DDOST: variants seen among roughly 807,000 people sequenced by gnomAD.
DDOST encodes the protein dolichyl-diphosphooligosaccharide--protein glycosyltransferase 48 kDa subunit.
A neutral mutation model predicts 47.6 loss-of-function variants in DDOST; 25 were observed. That is an observed-to-expected ratio of 0.53 (90% confidence interval 0.38 to 0.73). The LOEUF is 0.73. Among genes scored for constraint, DDOST ranks in the 30% least tolerant of loss-of-function variants. The pLI is 0.00. For synonymous variants in DDOST, 275 were observed against 236.0 expected (o/e 1.17, Z -1.51); for missense variants, 526 against 573.9 (o/e 0.92, Z 0.85).
chr1:20,656,615 C>T (rs1335076657), intron 2 of DDOST, among the ~76,000 whole-genome samples: 1 of 152,208 alleles, frequency 6.6e-6, no homozygotes, highest in Non-Finnish European at 1.5e-5. Flanking sequence ...TCTAAATGGT[C>T]TGAGGAAGAG....
chr1:20,660,590 C>T, intron 2 of DDOST: 1 of 235,522 alleles, frequency 4.2e-6, no homozygotes, highest in Non-Finnish European at 8.3e-6. Context: ...AGCTTTCCAT[C>T]TTTTTATCAG....
At chr1:20,660,671 T>C (rs1412634890) in intron 2 of DDOST, 3 of 482,858 alleles carry the variant, frequency 6.2e-6, no homozygotes, top group African/African-American at 5.8e-5. Context: ...GCAGCAACAC[T>C]TGACTCCACA....
intron 5 of DDOST, 135 bp from the exon 6 acceptor site, chr1:20,654,842 T>C (rs897463534): frequency 1.2e-5 from 8 of 650,582 alleles, no homozygotes; most frequent in East Asian, 5.5e-5. Context: ...TGTCTTGATA[T>C]AACAATGGAG....
At chr1:20,661,017 A>T in intron 1 of DDOST, 26 bp from the exon 2 acceptor site, 5 of 1,570,182 alleles carry the variant, frequency 3.2e-6, no homozygotes, top group Non-Finnish European at 4.4e-6. Context: ...CAGGTAGTTG[A>T]GGAAGACGGG....
chr1:20,655,735 C>G lies in DDOST; in HGVS notation c.397G>C (p.Asp133His). 1.2e-6 allele frequency: 2 copies of G among 1,614,184 alleles called. No individual in the cohort carries two copies. The highest frequency in any genetic ancestry group is 1.1e-5 in the South Asian group (1 of 91,086). ...TCAATGACAGCCGTTTTCTCCTCGT[C>G]AAACTCAATCCCGCACTCACTGCCC... Reference protein sequence around the residue: ...ELGSECGIEFDEEKTAVIDHH... With the variant: ...ELGSECGIEFHEEKTAVIDHH... Residue 133 changes from aspartate (D) to histidine (H), a missense_variant, in exon 4 of 11, where the codon GAC becomes CAC. Physicochemically the swap from Asp to His is moderately conservative, Grantham distance 81. Transcript: ENST00000602624.
intron 9 of DDOST, 36 bp downstream of exon 9, chr1:20,652,815 T>TC: frequency 6.7e-7 from 1 of 1,492,814 alleles, no homozygotes; most frequent in Non-Finnish European, 8.9e-7. Context: ...CCTGGGGCCG[T>TC]TTCTGGCAGC....
At chr1:20,658,865 T>G in intron 2 of DDOST, among the ~76,000 whole-genome samples, 1 of 150,944 alleles carries the variant, frequency 6.6e-6, no homozygotes, top group East Asian at 1.9e-4. Context: ...TCTTTTTTTT[T>G]TTTTTTTTGA....
intron 8 of DDOST, 122 bp from the exon 9 acceptor site, chr1:20,653,093 G>A: frequency 7.9e-7 from 1 of 1,261,122 alleles, no homozygotes. Context: ...GAGTTCAGAA[G>A]ACCTGCAGAT....
intron 2 of DDOST, 47 bp downstream of exon 2, chr1:20,660,834 G>T: frequency 8.8e-7 from 1 of 1,137,436 alleles, no homozygotes; most frequent in Non-Finnish European, 1.3e-6. Flanking sequence ...AATCCATCAA[G>T]TCCCGGGTCT....
At chr1:20,660,846 G>T in intron 2 of DDOST, 35 bp downstream of exon 2, 1 of 1,324,360 alleles carries the variant, frequency 7.6e-7, no homozygotes, top group South Asian at 1.2e-5. Flanking sequence ...CCCGGGTCTC[G>T]AATTCCAGTG....
chr1:20,654,518 G>T, intron 6 of DDOST, 96 bp downstream of exon 6: 2 of 1,381,838 alleles, frequency 1.4e-6, no homozygotes, highest in Admixed American at 2.0e-5. Flanking sequence ...TTCTGCCCAT[G>T]CCCCACCCCA....
chr1:20,651,801 T>TATTTATTTATTTATTTA lies in DDOST; in HGVS notation c.*577_*578insTAAATAAATAAATAAAT, dbSNP rs1553147201. ...GTTTGAGGGCAACATCTCGCTTTATTTTTATTTATTTATTTATTTATTTAT... is the reference window on the plus strand; with the variant it reads ...GTTTGAGGGCAACATCTCGCTTTATTATTTATTTATTTATTTATTTATTTATTTATTTATTTATTTAT... On this transcript the variant is annotated 3_prime_UTR_variant, in exon 11 of 11. Coordinates refer to ENST00000602624, the MANE Select transcript of DDOST (RefSeq NM_005216.5). 6.8e-6 allele frequency: 1 copy of TATTTATTTATTTATTTA among 147,120 alleles called. No individual in the cohort carries two copies. Among genetic ancestry groups the TATTTATTTATTTATTTA allele is most frequent in the Non-Finnish European group, 1.5e-5 (1 of 67,138 alleles). The allele number at this position is 147,120 out of a possible 1,614,324, so 9.1% of individuals were successfully genotyped here.
rs622525 is a variant in DDOST at position 20,653,325 on chromosome 1, A to T, written c.942+302T>A. 0.85 allele frequency among the ~76,000 whole-genome samples: 129,701 copies of T among 152,226 alleles called. 55,432 individuals carry two copies. Among genetic ancestry groups the T allele is most frequent in the Middle Eastern group, 0.89 (263 of 294 alleles). ...CGCTTTCTCTTGCCTAACAAATTCAACCTAATGACCTATTTCTCTTATTAA... is the reference window on the plus strand; with the variant it reads ...CGCTTTCTCTTGCCTAACAAATTCATCCTAATGACCTATTTCTCTTATTAA... On this transcript the variant is annotated intron_variant, in intron 8 of 10. Transcript: ENST00000602624.
At chr1:20,657,213 A>C (rs1363842849) in intron 2 of DDOST, among the ~76,000 whole-genome samples, 2 of 152,224 alleles carry the variant, frequency 1.3e-5, no homozygotes, top group Non-Finnish European at 2.9e-5. Flanking sequence ...GCTGGAGAGA[A>C]AGGAGTGAGC....
rs2053365772 is a variant in DDOST, at chr1:20,655,787, G to A, written c.353-8C>T. On this transcript the variant is annotated splice_polypyrimidine_tract_variant and splice_region_variant and intron_variant, in intron 3 of 10. Transcript: ENST00000602624. The stretch of plus-strand genomic sequence containing the variant: ...GCTCTCGAAGAGGGTCACCTGCACA[G>A]ACCGAAGAGACACCTAGCTGAGCCC... 6.2e-7 allele frequency: 1 copy of A among 1,611,590 alleles called. No individual in the cohort carries two copies. The highest frequency in any genetic ancestry group is 1.3e-5 in the African/African-American group (1 of 74,876).
chr1:20,652,634 T>C lies in DDOST; in HGVS notation c.1157A>G (p.Tyr386Cys), dbSNP rs1009708478. 1 of 1,613,994 alleles carries C rather than the reference T, an allele frequency of 6.2e-7. No individual in the cohort carries two copies. The highest frequency in any genetic ancestry group is 8.5e-7 in the Non-Finnish European group (1 of 1,179,922). The change falls in exon 10 of 11, where the codon TAC becomes TGC. Residue 386 changes from tyrosine to cysteine, a missense_variant. Coordinates refer to ENST00000602624, the MANE Select transcript of DDOST (RefSeq NM_005216.5). ...ACCTGTGCTTACCTGAGTGGAAGAG[T>C]ACAGGTGTGTGTAGCCTAGCCGGTT... is the stretch of plus-strand genomic sequence containing the variant. Reference protein sequence around the residue: ...DYNRLGYTHLYSSTQVSVRPL... With the variant: ...DYNRLGYTHLCSSTQVSVRPL...
At chr1:20,653,569 G>C in intron 8 of DDOST, 58 bp downstream of exon 8, 1 of 1,510,830 alleles carries the variant, frequency 6.6e-7, no homozygotes, top group Non-Finnish European at 8.9e-7. Context: ...GTGCTTCTGA[G>C]CTGAGCTCAG....
intron 2 of DDOST, among the ~76,000 whole-genome samples, chr1:20,657,852 G>C (rs1040084712): frequency 6.6e-5 from 10 of 152,186 alleles, no homozygotes; most frequent in Admixed American, 6.5e-4. Context: ...AGGCAGTCTT[G>C]GACATTCCAA....
At chr1:20,654,750 G>A in intron 5 of DDOST, 43 bp from the exon 6 acceptor site, 1 of 1,371,872 alleles carries the variant, frequency 7.3e-7, no homozygotes, top group Non-Finnish European at 1.0e-6. Context: ...CCCAGGAACT[G>A]AGCCCAAGGA....
Sources: gnomAD v4.1 joint callset for allele counts (sites outside exome capture counted in the v4.1 genomes callset) on GRCh38, gnomAD v4.1.1 for gene constraint, MANE v1.5 for transcripts, NCBI Gene and HGNC (gene_info 2026-07-23, HGNC 2026-07-21) for gene names.